The following NMNAT2 variants were observed in gnomAD, a reference collection of about 807,000 sequenced individuals.
NMNAT2 encodes the protein nicotinamide/nicotinic acid mononucleotide adenylyltransferase 2.
NMNAT2 carries 11 observed loss-of-function variants against 41.6 expected under a neutral mutation model. The observed-to-expected ratio is 0.26, with a 90% CI of 0.17 to 0.44. The LOEUF (loss-of-function observed/expected upper bound fraction) is 0.44. NMNAT2 is among the 20% of genes least tolerant of loss of function. NMNAT2 has a pLI of 1.00. For synonymous variants in NMNAT2, 148 were observed against 151.2 expected, an observed-to-expected ratio of 0.98 and a Z score of 0.16; for missense variants, 288 against 407.7, an observed-to-expected ratio of 0.71 and a Z score of 2.53.
intron 1 of NMNAT2, among the ~76,000 whole-genome samples, chr1:183,352,137 G>C (rs1663071804): frequency 6.6e-6 from 1 of 152,132 alleles, no homozygotes; most frequent in Admixed American, 6.5e-5. Context: ...GGCAGGGAGA[G>C]CTCATCAGGG....
chr1:183,390,760 T>C (rs1193619069), intron 1 of NMNAT2, among the ~76,000 whole-genome samples: 1 of 152,166 alleles, frequency 6.6e-6, no homozygotes, highest in African/African-American at 2.4e-5. Flanking sequence ...CCCTAACTAA[T>C]GATGTGATGG....
chr1:183,268,871 C>T (rs891722198), intron 8 of NMNAT2, among the ~76,000 whole-genome samples: 1 of 152,078 alleles, frequency 6.6e-6, no homozygotes, highest in Non-Finnish European at 1.5e-5. Context: ...GTGGTAAGAC[C>T]TCATCTCTAC....
chr1:183,386,151 C>T (rs1041776908), intron 1 of NMNAT2, among the ~76,000 whole-genome samples: 1 of 151,742 alleles, frequency 6.6e-6, no homozygotes, highest in Non-Finnish European at 1.5e-5. Context: ...ATTTTGTTAC[C>T]GGAAGGACTA....
At chr1:183,274,882 A>G (rs1209470622) in intron 8 of NMNAT2, among the ~76,000 whole-genome samples, 1 of 152,104 alleles carries the variant, frequency 6.6e-6, no homozygotes, top group Non-Finnish European at 1.5e-5. Flanking sequence ...CTGCCCTCCC[A>G]CCAACTTTCC....
chr1:183,253,809 C>T (rs1411111875), intron 10 of NMNAT2, among the ~76,000 whole-genome samples: 1 of 152,046 alleles, frequency 6.6e-6, no homozygotes, highest in Non-Finnish European at 1.5e-5. Context: ...ATTTCTGTGT[C>T]TGGCTTATGT....
rs139812991 is a variant in NMNAT2 at position 183,361,105 on chromosome 1, T to C, written c.85+57078A>G. ...TAATAAAATTTCTGCACATTGGATG[T>C]TCAATACATGCCAATCACTGTTGTA... On this transcript the variant is annotated intron_variant, in intron 1 of 10. Coordinates refer to ENST00000287713, the MANE Select transcript of NMNAT2 (RefSeq NM_015039.4). 3.9e-4 allele frequency among the ~76,000 whole-genome samples: 60 copies of C among 152,316 alleles called. 2 individuals carry two copies. In the East Asian group the frequency reaches 0.011, roughly 27 times the overall value.
At chr1:183,380,923 G>A (rs938574130) in intron 1 of NMNAT2, among the ~76,000 whole-genome samples, 6 of 152,140 alleles carry the variant, frequency 3.9e-5, no homozygotes, top group Admixed American at 2.0e-4. Context: ...TTTCAGTAGA[G>A]GAGAGACATA....
chr1:183,334,881 C>T (rs596670), intron 1 of NMNAT2, among the ~76,000 whole-genome samples: 108,478 of 152,032 alleles, frequency 0.71, 38,853 homozygotes, highest in East Asian at 0.9. Flanking sequence ...GGAGACTCCA[C>T]GGTGCCCTAG....
At chr1:183,348,660 G>A (rs764068677) in intron 1 of NMNAT2, among the ~76,000 whole-genome samples, 39 of 152,140 alleles carry the variant, frequency 2.6e-4, no homozygotes, top group Non-Finnish European at 5.0e-4. Context: ...TGCACAATAA[G>A]GGGCATTTCA....
chr1:183,338,137 C>A (rs368598030), intron 1 of NMNAT2, among the ~76,000 whole-genome samples: 7 of 117,162 alleles, frequency 6.0e-5, no homozygotes, highest in Middle Eastern at 4.9e-3. Context: ...CATAGTGAGA[C>A]CCCCATCTCT....
chr1:183,348,704 A>T (rs190777046), intron 1 of NMNAT2, among the ~76,000 whole-genome samples: 1 of 152,222 alleles, frequency 6.6e-6, no homozygotes. Flanking sequence ...AAACAAAAAC[A>T]AAAACTTCTT....
At chr1:183,338,149 T>TAAAAAAAAAAAA (rs59064477) in intron 1 of NMNAT2, among the ~76,000 whole-genome samples, 49 of 96,304 alleles carry the variant, frequency 5.1e-4, no homozygotes, top group East Asian at 1.5e-3. Context: ...CCCATCTCTT[T>TAAAAAAAAAAAA]AAAAAAAAAA....
At chr1:183,279,364 T>C (rs1258477177) in intron 7 of NMNAT2, among the ~76,000 whole-genome samples, 1 of 152,224 alleles carries the variant, frequency 6.6e-6, no homozygotes, top group African/African-American at 2.4e-5. Flanking sequence ...AACAACATTC[T>C]GAGAATACCG....
At chr1:183,377,200 A>G (rs544028138) in intron 1 of NMNAT2, among the ~76,000 whole-genome samples, 3 of 152,114 alleles carry the variant, frequency 2.0e-5, no homozygotes, top group African/African-American at 7.2e-5. Context: ...GTGCAACATT[A>G]TATCTGGAGA....
chr1:183,355,838 A>C (rs1467795744), intron 1 of NMNAT2, among the ~76,000 whole-genome samples: 1 of 152,142 alleles, frequency 6.6e-6, no homozygotes, highest in Non-Finnish European at 1.5e-5. Flanking sequence ...CTTCTCCTAG[A>C]CTCAGACAAT....
chr1:183,316,770 G>A (rs572268135), intron 1 of NMNAT2, among the ~76,000 whole-genome samples: 3 of 152,310 alleles, frequency 2.0e-5, no homozygotes, highest in South Asian at 4.1e-4. Flanking sequence ...GTAAGTGAAC[G>A]TAAGCAGAGC....
chr1:183,364,322 C>T (rs149536706), intron 1 of NMNAT2, among the ~76,000 whole-genome samples: 33 of 152,280 alleles, frequency 2.2e-4, no homozygotes, highest in East Asian at 7.7e-4. Flanking sequence ...TTTTCATCAT[C>T]GGAGCTCACA....
chr1:183,287,372 G>T (rs970660664), intron 4 of NMNAT2, among the ~76,000 whole-genome samples: 8 of 152,212 alleles, frequency 5.3e-5, no homozygotes, highest in Non-Finnish European at 1.0e-4. Flanking sequence ...ACACAGCCAA[G>T]CAAGAGGGAG....
intron 1 of NMNAT2, among the ~76,000 whole-genome samples, chr1:183,346,354 ATGTTG>A (rs1156965796): frequency 6.6e-6 from 1 of 152,050 alleles, no homozygotes; most frequent in Non-Finnish European, 1.5e-5. Flanking sequence ...CATAACCAAC[ATGTTG>A]TCATCCCCAG....
Sources: gnomAD v4.1 joint callset for allele counts (sites outside exome capture counted in the v4.1 genomes callset) on GRCh38, gnomAD v4.1.1 for gene constraint, MANE v1.5 for transcripts, NCBI Gene and HGNC (gene_info 2026-07-23, HGNC 2026-07-21) for gene names.